Variants in UCK2 observed in about 807,000 individuals in gnomAD.
UCK2 encodes uridine-cytidine kinase 2, also known as cytidine monophosphokinase 2.
A neutral mutation model predicts 30.8 loss-of-function variants in UCK2; 6 were observed. The ratio of observed to expected loss-of-function variants is 0.19; its 90% CI spans 0.11 to 0.38. UCK2 has a LOEUF of 0.38. Among genes scored for constraint, UCK2 ranks in the 10% least tolerant of loss-of-function variants. The pLI, the probability that UCK2 is intolerant of heterozygous loss-of-function variation, is 1.00. For missense variants in UCK2, 210 were observed against 339.8 expected, an observed-to-expected ratio of 0.62 and a Z score of 3.00; for synonymous variants, 125 against 133.6, an observed-to-expected ratio of 0.94 and a Z score of 0.45.
chr1:165,848,574 A>C (rs1654509391), intron 1 of UCK2, among the ~76,000 whole-genome samples: 1 of 152,002 alleles, frequency 6.6e-6, no homozygotes, highest in Non-Finnish European at 1.5e-5. Flanking sequence ...CGGAGGTTGT[A>C]GTGAGCTGAG....
intron 1 of UCK2, among the ~76,000 whole-genome samples, chr1:165,856,906 T>G (rs968389472): frequency 6.0e-5 from 9 of 149,440 alleles, no homozygotes; most frequent in South Asian, 2.1e-4. Context: ...CCAGGGTTTT[T>G]TTTTTTTTTT....
In UCK2 at chr1:165,909,119, G is replaced by A. The variant is rs1647769158; in HGVS notation, c.*1296G>A. On this transcript the variant is annotated 3_prime_UTR_variant, in exon 7 of 7. Coordinates refer to ENST00000367879, the MANE Select transcript of UCK2 (RefSeq NM_012474.5). ...ATAGGTACCTAAGTTGGAGCCTGAGGTTGAAATATTTGGGGTGGAGATTTC... is the reference window on the plus strand; with the variant it reads ...ATAGGTACCTAAGTTGGAGCCTGAGATTGAAATATTTGGGGTGGAGATTTC... 4 of 152,286 alleles carry A rather than the reference G, an allele frequency of 2.6e-5. No individual in the cohort carries two copies. In the South Asian group the frequency reaches 8.3e-4, roughly 32 times the overall value. The allele number at this position is 152,286 out of a possible 1,614,324, so 9.4% of individuals were successfully genotyped here.
At chr1:165,893,897 G>T (rs1183611575) in intron 3 of UCK2, among the ~76,000 whole-genome samples, 4 of 152,096 alleles carry the variant, frequency 2.6e-5, no homozygotes, top group African/African-American at 9.7e-5. Context: ...TTCCTTTTTA[G>T]TATTTATCAG....
At chr1:165,834,958 A>C (rs1251133206) in intron 1 of UCK2, among the ~76,000 whole-genome samples, 1 of 151,872 alleles carries the variant, frequency 6.6e-6, no homozygotes, top group Non-Finnish European at 1.5e-5. Context: ...GTGCTTCTTT[A>C]TTTCTTTATT....
chr1:165,885,698 A>G (rs749967905), intron 1 of UCK2, among the ~76,000 whole-genome samples: 1 of 152,216 alleles, frequency 6.6e-6, no homozygotes, highest in South Asian at 2.1e-4. Flanking sequence ...TAGGCACTGG[A>G]GATGGACGGC....
At chr1:165,829,389 A>T (rs954059004) in intron 1 of UCK2, among the ~76,000 whole-genome samples, 1 of 152,222 alleles carries the variant, frequency 6.6e-6, no homozygotes, top group African/African-American at 2.4e-5. Context: ...CTCTTCTGGC[A>T]TATTCCTGTT....
intron 1 of UCK2, among the ~76,000 whole-genome samples, chr1:165,841,111 G>GTGTATATA (rs1467504223): frequency 1.5e-4 from 22 of 144,962 alleles, no homozygotes; most frequent in African/African-American, 4.9e-4. Context: ...GTGTGTGTGT[G>GTGTATATA]TATATATATA....
intron 1 of UCK2, among the ~76,000 whole-genome samples, chr1:165,840,436 A>G (rs1174293457): frequency 6.6e-6 from 1 of 152,218 alleles, no homozygotes; most frequent in Non-Finnish European, 1.5e-5. Flanking sequence ...TATACAATAC[A>G]TTGCCATTGA....
rs1446966245 is a variant in UCK2 at position 165,853,105 on chromosome 1, A to G, written c.99+25173A>G. 3.3e-5 allele frequency among the ~76,000 whole-genome samples: 5 copies of G among 152,118 alleles called. No individual in the cohort carries two copies. In the South Asian group the frequency reaches 6.2e-4, roughly 19 times the overall value. ...TTCCAGTGGAGCTTTGTAGAATCAT[A>G]TGTGTCATAGAGAACAGGTTTTAAT... On this transcript the variant is annotated intron_variant, in intron 1 of 6. Coordinates refer to ENST00000367879, the MANE Select transcript of UCK2 (RefSeq NM_012474.5).
rs569668902 is a variant in UCK2, at chr1:165,907,669, G to A, written c.647-15G>A. 2 of 1,613,792 alleles carry A rather than the reference G, an allele frequency of 1.2e-6. No individual in the cohort carries two copies. Among genetic ancestry groups the A allele is most frequent in the East Asian group, 4.5e-5 (2 of 44,878 alleles). ...TGCCTGCACCCGTAACGCTCTGCTGGTCTCTGCCCCACAGTGGCCATCAAC... is the reference window on the plus strand; with the variant it reads ...TGCCTGCACCCGTAACGCTCTGCTGATCTCTGCCCCACAGTGGCCATCAAC... On this transcript the variant is annotated splice_polypyrimidine_tract_variant and intron_variant, in intron 6 of 6. Transcript: ENST00000367879.
chr1:165,859,211 G>A (rs1026149536), intron 1 of UCK2, among the ~76,000 whole-genome samples: 1 of 152,016 alleles, frequency 6.6e-6, no homozygotes, highest in African/African-American at 2.4e-5. Context: ...TTCCCCCTGC[G>A]GAGGAGGCTG....
At chr1:165,883,128 C>T (rs1311617176) in intron 1 of UCK2, among the ~76,000 whole-genome samples, 1 of 152,108 alleles carries the variant, frequency 6.6e-6, no homozygotes, top group African/African-American at 2.4e-5. Context: ...CTTAATGGCT[C>T]TCAGCTCTAA....
At chr1:165,835,606 CATT>C (rs1231450025) in intron 1 of UCK2, among the ~76,000 whole-genome samples, 4 of 152,072 alleles carry the variant, frequency 2.6e-5, no homozygotes, top group African/African-American at 4.8e-5. Context: ...ACAATTGTTT[CATT>C]ATTCTTTTAA....
chr1:165,904,662 G>A (rs927849888), intron 5 of UCK2, among the ~76,000 whole-genome samples: 2 of 152,192 alleles, frequency 1.3e-5, no homozygotes, highest in Non-Finnish European at 2.9e-5. Context: ...TCATTCCCCT[G>A]TAAGCCAGGA....
intron 1 of UCK2, among the ~76,000 whole-genome samples, chr1:165,877,089 T>C (rs1321715960): frequency 6.6e-6 from 1 of 152,160 alleles, no homozygotes; most frequent in African/African-American, 2.4e-5. Context: ...AACTCACTTA[T>C]AAATGGTCCA....
chr1:165,832,064 C>T (rs1654062544), intron 1 of UCK2, among the ~76,000 whole-genome samples: 2 of 152,126 alleles, frequency 1.3e-5, no homozygotes, highest in South Asian at 2.1e-4. Context: ...CCACCGTGCC[C>T]GGCCTTATTT....
chr1:165,878,784 G>A (rs1285193128), intron 1 of UCK2, among the ~76,000 whole-genome samples: 1 of 152,198 alleles, frequency 6.6e-6, no homozygotes, highest in African/African-American at 2.4e-5. Context: ...TAAATACCAT[G>A]CGCAAGTTTT....
chr1:165,864,385 T>C (rs1654994865), intron 1 of UCK2, among the ~76,000 whole-genome samples: 2 of 152,234 alleles, frequency 1.3e-5, no homozygotes, highest in Admixed American at 1.3e-4. Context: ...TTAAATGATA[T>C]TTCAGAAACA....
chr1:165,898,137 G>A (rs1647332244), intron 4 of UCK2: 1 of 152,184 alleles, frequency 6.6e-6, no homozygotes, highest in African/African-American at 2.4e-5. Context: ...TCTGCTCAGT[G>A]TCCATGTCAG....
Sources: gnomAD v4.1 joint callset for allele counts (sites outside exome capture counted in the v4.1 genomes callset) on GRCh38, gnomAD v4.1.1 for gene constraint, MANE v1.5 for transcripts, NCBI Gene and HGNC (gene_info 2026-07-23, HGNC 2026-07-21) for gene names.